The following CEP57 variants were observed in gnomAD, a reference collection of about 807,000 sequenced individuals.
The protein encoded by CEP57 is centrosomal protein of 57 kDa.
CEP57 carries 40 observed loss-of-function variants against 68.0 expected under a neutral mutation model. That is an observed-to-expected ratio of 0.59 (90% CI 0.46 to 0.77). The LOEUF (loss-of-function observed/expected upper bound fraction) is 0.77, where lower values mean the gene tolerates loss of function less well. Ranked by LOEUF, CEP57 falls within the 30% of genes least tolerant of loss-of-function variation. CEP57 has a pLI of 0.00. For missense variants in CEP57, 606 were observed against 580.7 expected (o/e 1.04, Z -0.45); for synonymous variants, 219 against 198.7 (o/e 1.10, Z -0.86).
At chr11:95,792,808 T>C (rs777368677) in intron 1 of CEP57, among the ~76,000 whole-genome samples, 3 of 152,112 alleles carry the variant, frequency 2.0e-5, no homozygotes, top group Admixed American at 6.5e-5. Flanking sequence ...GGTTTCTTGG[T>C]GCGTAAGAAA....
intron 10 of CEP57, 37 bp downstream of exon 10, chr11:95,829,368 TA>T (rs748144471): frequency 1.3e-6 from 2 of 1,539,412 alleles, no homozygotes; most frequent in African/African-American, 2.8e-5. Context: ...TTCTAATGAT[TA>T]AGAAAAAAAA....
chr11:95,827,690 G>C, intron 8 of CEP57, 96 bp from the exon 9 acceptor site: 4 of 1,377,984 alleles, frequency 2.9e-6, no homozygotes, highest in East Asian at 2.3e-5. Context: ...CTCTACTTTA[G>C]GGGGTGGAGA....
intron 9 of CEP57, 63 bp downstream of exon 9, chr11:95,828,090 G>A (rs1862830191): frequency 6.6e-7 from 1 of 1,525,890 alleles, no homozygotes; most frequent in South Asian, 1.2e-5. Context: ...TTAAAAACTT[G>A]TTGACTTTAT....
chr11:95,790,785 AG>A (rs1337851746), intron 1 of CEP57, 42 bp downstream of exon 1: 1 of 1,610,572 alleles, frequency 6.2e-7, no homozygotes, highest in East Asian at 2.2e-5. Flanking sequence ...GTCGGCCCTA[AG>A]CGCCTCTTTG....
At chr11:95,813,232 T>C (rs1862148510) in intron 3 of CEP57, 121 bp downstream of exon 3, 2 of 1,095,068 alleles carry the variant, frequency 1.8e-6, no homozygotes, top group Admixed American at 4.3e-5. Flanking sequence ...AAAACTGCAT[T>C]GTATTCTGGT....
intron 2 of CEP57, among the ~76,000 whole-genome samples, chr11:95,808,814 G>A (rs1224886377): frequency 6.6e-6 from 1 of 152,086 alleles, no homozygotes; most frequent in African/African-American, 2.4e-5. Context: ...AAGTTAACAA[G>A]GATATCCAGG....
upstream of CEP57, chr11:95,790,446 G>A: frequency 1.7e-6 from 1 of 580,488 alleles, no homozygotes; most frequent in Non-Finnish European, 3.1e-6. Context: ...ACTACAGAAA[G>A]ACGTCTGCTG....
intron 2 of CEP57, among the ~76,000 whole-genome samples, chr11:95,799,846 C>T (rs566722893): frequency 1.3e-5 from 2 of 152,206 alleles, no homozygotes; most frequent in African/African-American, 4.8e-5. Context: ...ATCATCTCTC[C>T]CACAAAATTA....
chr11:95,810,799 T>A (rs1254183994), intron 2 of CEP57, among the ~76,000 whole-genome samples: 1 of 152,066 alleles, frequency 6.6e-6, no homozygotes. Flanking sequence ...TTCAATGCCA[T>A]CCCCATCAAG....
intron 7 of CEP57, 166 bp from the exon 8 acceptor site, chr11:95,822,333 A>G: frequency 1.6e-6 from 1 of 630,910 alleles, no homozygotes; most frequent in Non-Finnish European, 2.8e-6. Flanking sequence ...AGGCTAGGAT[A>G]TATGCTAACA....
chr11:95,809,498 T>TA (rs1475896433), intron 2 of CEP57, among the ~76,000 whole-genome samples: 1 of 152,014 alleles, frequency 6.6e-6, no homozygotes, highest in African/African-American at 2.4e-5. Flanking sequence ...ATAGATGCAA[T>TA]AAAAAATGAT....
chr11:95,796,967 C>A (rs1287545454), intron 1 of CEP57, among the ~76,000 whole-genome samples: 1 of 152,150 alleles, frequency 6.6e-6, no homozygotes, highest in Non-Finnish European at 1.5e-5. Context: ...GCAGCACCTT[C>A]CCAGCATATC....
intron 8 of CEP57, chr11:95,827,359 G>A (rs1422771903): frequency 2.0e-5 from 4 of 202,088 alleles, no homozygotes; most frequent in Non-Finnish European, 4.1e-5. Context: ...TGTAAAAAGT[G>A]TTATAGGTGA....
chr11:95,813,245 A>C, intron 3 of CEP57, 134 bp downstream of exon 3: 1 of 1,058,776 alleles, frequency 9.4e-7, no homozygotes, highest in Non-Finnish European at 1.4e-6. Context: ...ATTCTGGTGC[A>C]TTTTGAGGAG....
At chr11:95,819,003 TAG>T in intron 6 of CEP57, 99 bp downstream of exon 6, 1 of 936,742 alleles carries the variant, frequency 1.1e-6, no homozygotes. Context: ...ATTTGTATTT[TAG>T]AATAGTCCAA....
chr11:95,808,421 G>A (rs892826523), intron 2 of CEP57, among the ~76,000 whole-genome samples: 4 of 152,088 alleles, frequency 2.6e-5, no homozygotes, highest in African/African-American at 2.4e-5. Flanking sequence ...ACACAGACTG[G>A]CAAATTGGAT....
intron 7 of CEP57, 97 bp from the exon 8 acceptor site, chr11:95,822,402 G>T: frequency 3.5e-6 from 3 of 861,482 alleles, no homozygotes; most frequent in Non-Finnish European, 5.7e-6. Context: ...GCAAGTAGTA[G>T]CCTAGTAGTT....
intron 8 of CEP57, among the ~76,000 whole-genome samples, chr11:95,823,688 G>A (rs970734744): frequency 6.6e-6 from 1 of 152,136 alleles, no homozygotes; most frequent in Non-Finnish European, 1.5e-5. Context: ...AGTACATACT[G>A]TACGACTGAT....
At chr11:95,818,711 T>C (rs963446452) in intron 5 of CEP57, 116 bp from the exon 6 acceptor site, 4 of 777,712 alleles carry the variant, frequency 5.1e-6, no homozygotes, top group African/African-American at 1.7e-5. Flanking sequence ...ACTACAGTGA[T>C]CTAACCACCT....
Sources: allele counts gnomAD v4.1 joint callset (sites outside exome capture counted in the v4.1 genomes callset), GRCh38; gene constraint gnomAD v4.1.1; transcripts MANE v1.5; gene names NCBI Gene and HGNC (gene_info 2026-07-23, HGNC 2026-07-21).